SVIL: variants seen among roughly 807,000 people sequenced by gnomAD.
The protein encoded by SVIL is supervillin, also known as archvillin.
SVIL carries 101 observed loss-of-function variants against 240.4 expected under a neutral mutation model. The ratio of observed to expected loss-of-function variants is 0.42; its 90% CI spans 0.36 to 0.50. The LOEUF is 0.50. SVIL is among the 20% of genes least tolerant of loss of function. The pLI is 0.01. For missense variants in SVIL, 2,512 were observed against 2,818.7 expected (o/e 0.89, Z 2.46); for synonymous variants, 999 against 1,100.0 (o/e 0.91, Z 1.82).
At position 29,735,580 on chromosome 10, in the gene SVIL, C is replaced by A. The variant is rs1013344878; in HGVS notation, c.-400+171G>T. Among the ~76,000 whole-genome samples, 5 of 151,172 alleles carry A rather than the reference C, an allele frequency of 3.3e-5. No individual in the cohort carries two copies. The highest frequency in any genetic ancestry group is 7.3e-5 in the African/African-American group (3 of 41,256). On this transcript the variant is annotated intron_variant, in intron 1 of 35. Transcript: ENST00000375400. This position sits in a 1 kb window ranked among gnomAD's most constrained non-coding sequence, Gnocchi z 4.1. The stretch of plus-strand genomic sequence containing the variant: ...CGGCCCGGGCACCCGCCGGCCTCCA[C>A]CCCCGGGAGGCGCCCCCGTTCCCGC...
chr10:29,609,830 A>C (rs1957172574), intron 1 of SVIL, among the ~76,000 whole-genome samples: 1 of 152,184 alleles, frequency 6.6e-6, no homozygotes, highest in Non-Finnish European at 1.5e-5. Flanking sequence ...TTGCTGCTCC[A>C]TGCCTGGCTT....
intron 3 of SVIL, among the ~76,000 whole-genome samples, chr10:29,656,566 T>A (rs1959012784): frequency 6.6e-6 from 1 of 152,180 alleles, no homozygotes; most frequent in Admixed American, 6.6e-5. Flanking sequence ...GAAATGACCT[T>A]CAGGCCTCTC....
In SVIL at chr10:29,588,425, C is replaced by T. The variant is rs1026482360; in HGVS notation, c.-200-19113G>A. ...GACACTTCCTGTGCAGTTTCTTGGA[C>T]ACCCAGCAGTGAACATACAGCACCC... On this transcript the variant is annotated intron_variant, in intron 1 of 37. Coordinates refer to ENST00000355867, the MANE Select transcript of SVIL (RefSeq NM_021738.3). Among the ~76,000 whole-genome samples the T allele has an allele frequency of 9.2e-5, 14 of 152,054 alleles. No homozygotes were observed. The Middle Eastern group carries it at 0.01, about 111-fold the overall frequency.
intron 7 of SVIL, 119 bp from the exon 8 acceptor site, chr10:29,533,577 G>GA: frequency 7.0e-7 from 1 of 1,433,608 alleles, no homozygotes; most frequent in Non-Finnish European, 9.1e-7. Flanking sequence ...AATAACTTGT[G>GA]AAAAAGCATT....
At chr10:29,574,105 G>A (rs774691440) in intron 1 of SVIL, among the ~76,000 whole-genome samples, 1 of 152,210 alleles carries the variant, frequency 6.6e-6, no homozygotes, top group Non-Finnish European at 1.5e-5. Context: ...AACGCACAAA[G>A]TTCCCTGCTG....
At chr10:29,718,171 C>G (rs1197855883) in intron 1 of SVIL, among the ~76,000 whole-genome samples, 3 of 151,886 alleles carry the variant, frequency 2.0e-5, no homozygotes, top group Non-Finnish European at 4.4e-5. Context: ...ACTAAAAATA[C>G]AAAAATTAGC....
In SVIL at chr10:29,642,835, C is replaced by T. The variant is rs187546625; in HGVS notation, c.-201+15134G>A. Reference sequence around the variant, plus strand: ...AGTAGCTGGGACCTCAGGCACATACCACCATGCCTGAATAATGTTTTCGTA... The same window carrying T: ...AGTAGCTGGGACCTCAGGCACATACTACCATGCCTGAATAATGTTTTCGTA... On this transcript the variant is annotated intron_variant, in intron 3 of 35. Coordinates refer to the SVIL transcript ENST00000375400. Among the ~76,000 whole-genome samples the T allele has an allele frequency of 2.8e-4, 42 of 152,194 alleles. No individual in the cohort carries two copies. In the East Asian group the frequency reaches 8.1e-3, roughly 29 times the overall value.
intron 1 of SVIL, among the ~76,000 whole-genome samples, chr10:29,694,129 T>C (rs981661065): frequency 5.9e-5 from 9 of 151,338 alleles, no homozygotes; most frequent in East Asian, 2.0e-4. Context: ...ATAACAAAAA[T>C]TGATATTGGC....
At chr10:29,513,428 C>T (rs761045932) in intron 16 of SVIL, among the ~76,000 whole-genome samples, 3 of 151,988 alleles carry the variant, frequency 2.0e-5, no homozygotes, top group Non-Finnish European at 2.9e-5. Context: ...AATTAGCCAG[C>T]GGGAGGCTGA....
At chr10:29,477,470 G>A (rs1010636906) in intron 29 of SVIL, among the ~76,000 whole-genome samples, 1 of 152,190 alleles carries the variant, frequency 6.6e-6, no homozygotes, top group African/African-American at 2.4e-5. Context: ...GACCCTAGCA[G>A]GCCGGCCAGC....
upstream of SVIL, among the ~76,000 whole-genome samples, chr10:29,637,952 G>A (rs1331613674): frequency 6.6e-6 from 1 of 152,172 alleles, no homozygotes; most frequent in East Asian, 1.9e-4. Flanking sequence ...GTTGTTAGAG[G>A]TTAGGGATGG....
intron 26 of SVIL, among the ~76,000 whole-genome samples, chr10:29,485,708 C>A (rs1400229173): frequency 6.6e-6 from 1 of 152,176 alleles, no homozygotes; most frequent in African/African-American, 2.4e-5. Context: ...AAAAACAGCA[C>A]ATTAATTGGG....
chr10:29,699,402 A>C (rs1217311886), intron 1 of SVIL, among the ~76,000 whole-genome samples: 2 of 152,110 alleles, frequency 1.3e-5, no homozygotes, highest in Non-Finnish European at 2.9e-5. Context: ...CCCTGGGTTC[A>C]AGCAATTCTC....
chr10:29,625,300 T>G (rs999248130), intron 1 of SVIL, among the ~76,000 whole-genome samples: 5 of 152,336 alleles, frequency 3.3e-5, no homozygotes, highest in African/African-American at 1.2e-4. Flanking sequence ...TCCAATGATT[T>G]ATTTCTGTAA....
chr10:29,531,691 A>G (rs1197187947), intron 9 of SVIL, among the ~76,000 whole-genome samples: 1 of 152,250 alleles, frequency 6.6e-6, no homozygotes, highest in Non-Finnish European at 1.5e-5. Flanking sequence ...TCTGGTGAAT[A>G]TGCAATCTGG....
chr10:29,591,980 G>A (rs1956408259), intron 1 of SVIL, among the ~76,000 whole-genome samples: 1 of 152,248 alleles, frequency 6.6e-6, no homozygotes, highest in African/African-American at 2.4e-5. Context: ...GCTGGGTGCT[G>A]TGGCTCATGC....
chr10:29,506,701 T>TAGAGGGAAAGG (rs1564535148), intron 17 of SVIL, among the ~76,000 whole-genome samples: 1 of 114,902 alleles, frequency 8.7e-6, no homozygotes, highest in African/African-American at 3.3e-5. Flanking sequence ...ACAGAGGCCC[T>TAGAGGGAAAGG]ACGAGGGAGG....
intron 3 of SVIL, among the ~76,000 whole-genome samples, chr10:29,646,830 G>C (rs77720963): frequency 0.044 from 6,709 of 152,248 alleles, 184 homozygotes; most frequent in South Asian, 0.097. Context: ...TCTCCATCCA[G>C]GGAGAGGAGA....
chr10:29,585,071 T>G (rs1956108516), intron 1 of SVIL, among the ~76,000 whole-genome samples: 1 of 144,978 alleles, frequency 6.9e-6, no homozygotes, highest in Non-Finnish European at 1.5e-5. Context: ...TCAGCTAATA[T>G]TTTTATTCTT....
Sources: gnomAD v4.1 joint callset for allele counts (sites outside exome capture counted in the v4.1 genomes callset) on GRCh38, gnomAD v4.1.1 for gene constraint, Gnocchi (gnomAD v3.1) non-coding constraint, MANE v1.5 for transcripts, NCBI Gene and HGNC (gene_info 2026-07-23, HGNC 2026-07-21) for gene names.